Variants in STAG1 observed in about 807,000 individuals in gnomAD.
STAG1 encodes STAG1 cohesin complex component.
In STAG1, 26 loss-of-function variants were observed where a neutral mutation model predicts 170.9. The observed-to-expected ratio is 0.15, with a 90% CI of 0.11 to 0.21. The LOEUF is 0.21. Among genes scored for constraint, STAG1 ranks in the 10% least tolerant of loss-of-function variants. STAG1 has a pLI of 1.00. For missense variants in STAG1, 964 were observed against 1,509.5 expected (o/e 0.64, Z 5.99); for synonymous variants, 514 against 497.7 (o/e 1.03, Z -0.44).
At chr3:136,527,217 C>G (rs904668319) in intron 6 of STAG1, among the ~76,000 whole-genome samples, 3 of 152,222 alleles carry the variant, frequency 2.0e-5, no homozygotes, top group Non-Finnish European at 4.4e-5. Flanking sequence ...CTCCCTGTCA[C>G]TTTCAGGTAC....
chr3:136,504,108 T>C (rs1933634362), intron 7 of STAG1, among the ~76,000 whole-genome samples: 1 of 152,110 alleles, frequency 6.6e-6, no homozygotes, highest in Non-Finnish European at 1.5e-5. Flanking sequence ...ATGCTGTATC[T>C]GTATTTCTAT....
intron 13 of STAG1, among the ~76,000 whole-genome samples, chr3:136,459,100 C>T (rs558395611): frequency 1.3e-5 from 2 of 152,034 alleles, no homozygotes; most frequent in Admixed American, 6.5e-5. Context: ...TGCCTGCAGT[C>T]CCAGCTACTC....
At chr3:136,533,411 C>T (rs964774904) in intron 6 of STAG1, among the ~76,000 whole-genome samples, 1 of 151,560 alleles carries the variant, frequency 6.6e-6, no homozygotes, top group African/African-American at 2.4e-5. Context: ...TAAAGAAATA[C>T]CCAAGACTGG....
intron 1 of STAG1, among the ~76,000 whole-genome samples, chr3:136,748,933 ATAAG>A (rs1367404610): frequency 9.8e-5 from 15 of 152,342 alleles, no homozygotes; most frequent in Admixed American, 5.9e-4. Context: ...AAAAGGCAAT[ATAAG>A]TAAGAGTAAG....
At chr3:136,723,735 A>T (rs561602296) in intron 1 of STAG1, among the ~76,000 whole-genome samples, 1 of 128,254 alleles carries the variant, frequency 7.8e-6, no homozygotes, top group Admixed American at 7.9e-5. Context: ...CCTACTTGGA[A>T]GTGAGGAGCC....
chr3:136,362,996 T>C (rs1242393317), intron 26 of STAG1, among the ~76,000 whole-genome samples: 2 of 152,172 alleles, frequency 1.3e-5, no homozygotes, highest in African/African-American at 4.8e-5. Flanking sequence ...ACTAAGCATT[T>C]ATTAGAAATC....
chr3:136,546,601 A>C lies in STAG1; in HGVS notation c.395-4406T>G, dbSNP rs578086107. On this transcript the variant is annotated intron_variant, in intron 5 of 33. Transcript: ENST00000383202. ...GAAAAGCAAGGAGTAGAAAACAGAG[A>C]GTAGAAAAGGCTGAACTCTTCTCCT... Among the ~76,000 whole-genome samples the C allele has an allele frequency of 7.2e-5, 11 of 152,286 alleles. No homozygotes were observed. In the South Asian group the frequency reaches 2.3e-3, roughly 32 times the overall value.
intron 1 of STAG1, among the ~76,000 whole-genome samples, chr3:136,682,976 C>A (rs1055907302): frequency 6.6e-6 from 1 of 152,052 alleles, no homozygotes; most frequent in Admixed American, 6.5e-5. Context: ...TATGGATGAA[C>A]CTTGAGGATA....
intron 6 of STAG1, among the ~76,000 whole-genome samples, chr3:136,528,044 G>A (rs1040797209): frequency 2.0e-5 from 3 of 152,194 alleles, no homozygotes; most frequent in Non-Finnish European, 4.4e-5. Flanking sequence ...GGACCCACCT[G>A]AGGAGGCAGT....
At chr3:136,598,540 C>A (rs1938529008) in intron 4 of STAG1, among the ~76,000 whole-genome samples, 1 of 152,064 alleles carries the variant, frequency 6.6e-6, no homozygotes, top group African/African-American at 2.4e-5. Context: ...CATTCTCCTG[C>A]CTCAGCCTCC....
At chr3:136,660,509 A>C (rs1941543239) in intron 1 of STAG1, among the ~76,000 whole-genome samples, 1 of 152,228 alleles carries the variant, frequency 6.6e-6, no homozygotes, top group Admixed American at 6.5e-5. Context: ...ATAATTAGAC[A>C]AAACATACTG....
intron 1 of STAG1, among the ~76,000 whole-genome samples, chr3:136,723,305 G>A (rs570714313): frequency 9.9e-4 from 148 of 150,196 alleles, no homozygotes; most frequent in Non-Finnish European, 7.7e-4. Flanking sequence ...CTGCCCGGCC[G>A]CCCATCGTCT....
At chr3:136,692,465 C>T (rs1273754627) in intron 1 of STAG1, among the ~76,000 whole-genome samples, 2 of 151,778 alleles carry the variant, frequency 1.3e-5, no homozygotes, top group African/African-American at 4.8e-5. Flanking sequence ...TGAAACCCTA[C>T]CTCTACTAAA....
intron 4 of STAG1, among the ~76,000 whole-genome samples, chr3:136,585,245 C>G (rs1219418890): frequency 6.6e-6 from 1 of 152,116 alleles, no homozygotes; most frequent in African/African-American, 2.4e-5. Context: ...AGTTTCAGAC[C>G]AGCCTGGCCA....
chr3:136,602,124 T>C (rs1185148739), intron 4 of STAG1, among the ~76,000 whole-genome samples: 1 of 152,142 alleles, frequency 6.6e-6, no homozygotes, highest in Non-Finnish European at 1.5e-5. Context: ...CTCACGTCTA[T>C]AATCCCAGCA....
chr3:136,493,673 A>C (rs1283347260), intron 9 of STAG1, among the ~76,000 whole-genome samples: 14 of 151,276 alleles, frequency 9.3e-5, no homozygotes, highest in African/African-American at 3.4e-4. Flanking sequence ...AAAAAAAAAA[A>C]ACAACACAAA....
chr3:136,691,403 C>A (rs1942717056), intron 1 of STAG1, among the ~76,000 whole-genome samples: 1 of 151,634 alleles, frequency 6.6e-6, no homozygotes, highest in South Asian at 2.1e-4. Context: ...CCACTGCACT[C>A]CAGCCTGGGT....
At chr3:136,572,396 C>T (rs953500762) in intron 4 of STAG1, among the ~76,000 whole-genome samples, 1 of 151,710 alleles carries the variant, frequency 6.6e-6, no homozygotes, top group Non-Finnish European at 1.5e-5. Flanking sequence ...GAGTTTGAGA[C>T]CAGCCTGGGC....
intron 29 of STAG1, among the ~76,000 whole-genome samples, chr3:136,345,102 TA>T (rs969479506): frequency 6.6e-6 from 1 of 152,042 alleles, no homozygotes; most frequent in Non-Finnish European, 1.5e-5. Context: ...AATATATATA[TA>T]TTTTTTGAGA....
Sources: gnomAD v4.1 joint callset for allele counts (sites outside exome capture counted in the v4.1 genomes callset) on GRCh38, gnomAD v4.1.1 for gene constraint, MANE v1.5 for transcripts, NCBI Gene and HGNC (gene_info 2026-07-23, HGNC 2026-07-21) for gene names.